COP1: variants seen among roughly 807,000 people sequenced by gnomAD.
COP1 encodes COP1 E3 ubiquitin ligase, also known as E3 ubiquitin-protein ligase COP1.
A neutral mutation model predicts 101.3 loss-of-function variants in COP1; 24 were observed. The observed-to-expected ratio is 0.24, with a 90% CI of 0.17 to 0.33. COP1 has a LOEUF of 0.33. Ranked by LOEUF, COP1 falls within the 10% of genes least tolerant of loss-of-function variation. The probability of loss-of-function intolerance (pLI) is 1.00; values close to 1 mark genes in which losing one functional copy is unlikely to be tolerated. For synonymous variants in COP1, 347 were observed against 341.9 expected, an observed-to-expected ratio of 1.01 and a Z score of -0.17; for missense variants, 663 against 906.2, an observed-to-expected ratio of 0.73 and a Z score of 3.45.
chr1:176,194,188 A>G (rs977722285), intron 1 of COP1, among the ~76,000 whole-genome samples: 1 of 152,210 alleles, frequency 6.6e-6, no homozygotes, highest in Admixed American at 6.5e-5. Context: ...GGAAATCTTA[A>G]AAATATCCAA....
At chr1:176,081,095 T>G in intron 11 of COP1, 57 bp downstream of exon 11, 3 of 1,425,136 alleles carry the variant, frequency 2.1e-6, no homozygotes, top group Non-Finnish European at 2.9e-6. Context: ...GCTTCTCAAA[T>G]TCAATTAGAT....
chr1:176,034,606 G>A (rs1669173821), intron 14 of COP1, among the ~76,000 whole-genome samples: 1 of 152,144 alleles, frequency 6.6e-6, no homozygotes, highest in Admixed American at 6.5e-5. Context: ...GGGGCCCTGG[G>A]AGATAAAGAG....
At chr1:176,065,194 G>T (rs919457978) in intron 11 of COP1, among the ~76,000 whole-genome samples, 2 of 152,110 alleles carry the variant, frequency 1.3e-5, no homozygotes, top group African/African-American at 4.8e-5. Context: ...ACTGCCAGAG[G>T]TTAAAATCTG....
At chr1:176,142,106 G>T (rs961423285) in intron 6 of COP1, among the ~76,000 whole-genome samples, 12 of 152,048 alleles carry the variant, frequency 7.9e-5, no homozygotes, top group African/African-American at 2.7e-4. Flanking sequence ...AGAGTAGTGA[G>T]GGGACAAAAT....
Position 176,207,220 on chromosome 1 carries a change from C to CG in COP1, c.-243dup. 2.5e-6 allele frequency: 1 copy of CG among 401,594 alleles called. No homozygotes were observed. The highest frequency in any genetic ancestry group is 4.4e-6 in the Non-Finnish European group (1 of 228,730). The allele number at this position is 401,594 out of a possible 1,614,324, so 24.9% of individuals were successfully genotyped here. On this transcript the variant is annotated 5_prime_UTR_variant, in exon 1 of 20. Coordinates refer to ENST00000367669, the MANE Select transcript of COP1 (RefSeq NM_022457.7). The stretch of plus-strand genomic sequence containing the variant: ...GCACTACCGCTGTCGAGGCCGCCGC[C>CG]GCCACCGCGGTCCCTGTAGCAGCCA...
chr1:176,088,330 A>G lies in COP1; in HGVS notation c.1027-2440T>C, dbSNP rs12739444. 7.9e-3 allele frequency among the ~76,000 whole-genome samples: 1,205 copies of G among 152,330 alleles called. 11 individuals carry two copies. The highest frequency in any genetic ancestry group is 0.02 in the Middle Eastern group (6 of 294). On this transcript the variant is annotated intron_variant, in intron 9 of 19. Coordinates refer to ENST00000367669, the MANE Select transcript of COP1 (RefSeq NM_022457.7). Reference sequence around the variant, plus strand: ...AAACACTGAATGACAGTCATACACAAAAGGTAATGTTATTACAAAATTTCA... The same window carrying G: ...AAACACTGAATGACAGTCATACACAGAAGGTAATGTTATTACAAAATTTCA...
At chr1:176,192,143 G>GC (rs1459559044) in intron 1 of COP1, among the ~76,000 whole-genome samples, 1 of 151,950 alleles carries the variant, frequency 6.6e-6, no homozygotes, top group African/African-American at 2.4e-5. Context: ...ACTACATATG[G>GC]CCAAGAAGTA....
chr1:176,001,001 T>C (rs1236178869), intron 15 of COP1, among the ~76,000 whole-genome samples: 2 of 152,082 alleles, frequency 1.3e-5, no homozygotes, highest in Admixed American at 6.6e-5. Context: ...TGGCCATACA[T>C]ATTACATCTT....
Position 176,207,259 on chromosome 1 carries a change from G to T in COP1, c.-281C>A, listed in dbSNP as rs900594737. On this transcript the variant is annotated 5_prime_UTR_variant, in exon 1 of 20. Coordinates refer to ENST00000367669, the MANE Select transcript of COP1 (RefSeq NM_022457.7). Reference sequence around the variant, plus strand: ...CTGTAGCAGCCAACCCCGGCGCGCCGTGGCCGGCCGTGCGCGCGCGCGCGA... The same window carrying T: ...CTGTAGCAGCCAACCCCGGCGCGCCTTGGCCGGCCGTGCGCGCGCGCGCGA... 3 of 391,778 alleles carry T rather than the reference G, an allele frequency of 7.7e-6. No individual in the cohort carries two copies. The highest frequency in any genetic ancestry group is 1.4e-5 in the Non-Finnish European group (3 of 221,854). The allele number at this position is 391,778 out of a possible 1,614,324, so 24.3% of individuals were successfully genotyped here.
chr1:176,047,989 C>T (rs1282534085), intron 11 of COP1, among the ~76,000 whole-genome samples: 1 of 149,822 alleles, frequency 6.7e-6, no homozygotes, highest in African/African-American at 2.4e-5. Flanking sequence ...GGGAGGACTG[C>T]TTGAACCCAG....
At chr1:176,029,386 A>G (rs1668284730) in intron 14 of COP1, among the ~76,000 whole-genome samples, 1 of 152,244 alleles carries the variant, frequency 6.6e-6, no homozygotes, top group Non-Finnish European at 1.5e-5. Context: ...GCAGAAGCAG[A>G]AAATGAGTTG....
At chr1:176,171,323 G>A (rs1041436970) in intron 3 of COP1, among the ~76,000 whole-genome samples, 11 of 152,004 alleles carry the variant, frequency 7.2e-5, no homozygotes, top group Admixed American at 2.0e-4. Flanking sequence ...TTGAACCAAC[G>A]TCTGTTAGCT....
At chr1:176,027,544 G>T in intron 15 of COP1, 28 bp downstream of exon 15, 2 of 1,306,270 alleles carry the variant, frequency 1.5e-6, no homozygotes, top group Non-Finnish European at 2.2e-6. Flanking sequence ...CAACATCAAA[G>T]GAAGACAAAT....
intron 8 of COP1, among the ~76,000 whole-genome samples, chr1:176,119,895 C>G (rs1558147222): frequency 6.6e-6 from 1 of 152,072 alleles, no homozygotes; most frequent in Non-Finnish European, 1.5e-5. Context: ...AATTCAGGCA[C>G]TGAGAGATTA....
intron 8 of COP1, among the ~76,000 whole-genome samples, chr1:176,120,414 A>G (rs149843047): frequency 1.3e-5 from 2 of 151,954 alleles, no homozygotes; most frequent in Non-Finnish European, 2.9e-5. Flanking sequence ...GTGACAGGGC[A>G]AGACTCTATC....
At chr1:175,992,591 T>C (rs919055690) in intron 15 of COP1, among the ~76,000 whole-genome samples, 14 of 152,154 alleles carry the variant, frequency 9.2e-5, no homozygotes, top group Non-Finnish European at 1.0e-4. Context: ...ACCAGGAGAT[T>C]ATATCCCGCA....
At chr1:176,097,228 A>G (rs1025785955) in intron 9 of COP1, among the ~76,000 whole-genome samples, 15 of 146,296 alleles carry the variant, frequency 1.0e-4, no homozygotes, top group South Asian at 2.1e-4. Flanking sequence ...TGTTTTGTTG[A>G]AAAAAAAACG....
intron 8 of COP1, among the ~76,000 whole-genome samples, chr1:176,118,128 G>A (rs1001450422): frequency 6.6e-6 from 1 of 152,162 alleles, no homozygotes; most frequent in African/African-American, 2.4e-5. Flanking sequence ...CTGGGCAAGT[G>A]ATTAATCTTA....
intron 15 of COP1, among the ~76,000 whole-genome samples, chr1:176,024,514 A>C (rs1183287595): frequency 6.6e-6 from 1 of 152,214 alleles, no homozygotes; most frequent in Admixed American, 6.5e-5. Flanking sequence ...ATCTACAAAA[A>C]ACCTCACAGC....
Sources: gnomAD v4.1 joint callset for allele counts (sites outside exome capture counted in the v4.1 genomes callset) on GRCh38, gnomAD v4.1.1 for gene constraint, MANE v1.5 for transcripts, NCBI Gene and HGNC (gene_info 2026-07-23, HGNC 2026-07-21) for gene names.